Variants in FSTL5 observed in about 807,000 individuals in gnomAD.
The protein encoded by FSTL5 is follistatin-related protein 5.
In FSTL5, 62 loss-of-function variants were observed where a neutral mutation model predicts 89.1. That is an observed-to-expected ratio of 0.70 (90% confidence interval 0.57 to 0.86). FSTL5 has a LOEUF of 0.86. Among genes scored for constraint, FSTL5 ranks in the 40% least tolerant of loss-of-function variants. The probability of loss-of-function intolerance (pLI) is 0.00; values close to 1 mark genes in which losing one functional copy is unlikely to be tolerated. For missense variants in FSTL5, 1,057 were observed against 1,001.6 expected (o/e 1.06, Z -0.75); for synonymous variants, 383 against 346.2 (o/e 1.11, Z -1.18).
intron 4 of FSTL5, among the ~76,000 whole-genome samples, chr4:161,791,557 G>A (rs1185354654): frequency 1.3e-5 from 2 of 152,150 alleles, no homozygotes; most frequent in Non-Finnish European, 2.9e-5. Context: ...AAACCAGTGG[G>A]CATGGCTGTG....
chr4:162,115,581 C>T (rs1469616173), intron 1 of FSTL5, among the ~76,000 whole-genome samples: 3 of 152,222 alleles, frequency 2.0e-5, no homozygotes, highest in Non-Finnish European at 4.4e-5. Context: ...AATAATGATC[C>T]TGTGACTTTT....
chr4:161,481,568 C>T (rs11100370), intron 12 of FSTL5, among the ~76,000 whole-genome samples: 25,175 of 152,074 alleles, frequency 0.17, 2,475 homozygotes, highest in East Asian at 0.38. Flanking sequence ...TGGCTGTCCT[C>T]ATGGCAAATT....
chr4:161,399,237 A>G (rs1347202995), intron 15 of FSTL5, among the ~76,000 whole-genome samples: 2 of 152,100 alleles, frequency 1.3e-5, no homozygotes, highest in African/African-American at 4.8e-5. Flanking sequence ...TGAATGGTCA[A>G]AAACCTGCTC....
At chr4:161,404,400 A>T (rs1286093808) in intron 15 of FSTL5, among the ~76,000 whole-genome samples, 1 of 152,156 alleles carries the variant, frequency 6.6e-6, no homozygotes, top group East Asian at 1.9e-4. Flanking sequence ...ACACATGTTC[A>T]ATGAGACCTA....
At chr4:161,545,589 G>T (rs1329220266) in intron 8 of FSTL5, among the ~76,000 whole-genome samples, 1 of 151,904 alleles carries the variant, frequency 6.6e-6, no homozygotes, top group Admixed American at 6.6e-5. Flanking sequence ...AGCTGATTCT[G>T]GTAGGCAGCC....
At chr4:161,503,269 G>C (rs1354700108) in intron 11 of FSTL5, among the ~76,000 whole-genome samples, 1 of 151,634 alleles carries the variant, frequency 6.6e-6, no homozygotes, top group Admixed American at 6.6e-5. Flanking sequence ...TGTTTTGCAG[G>C]TATCTATTCA....
At chr4:161,772,853 T>C (rs1045339100) in intron 5 of FSTL5, among the ~76,000 whole-genome samples, 1 of 151,904 alleles carries the variant, frequency 6.6e-6, no homozygotes, top group African/African-American at 2.4e-5. Flanking sequence ...AATCCAAAAA[T>C]TCATATGGAA....
At chr4:161,977,612 C>CAAAAAAAAAAAAAAAAA (rs796909244) in intron 3 of FSTL5, among the ~76,000 whole-genome samples, 2 of 95,136 alleles carry the variant, frequency 2.1e-5, no homozygotes, top group African/African-American at 7.8e-5. Flanking sequence ...GACTCCGTGT[C>CAAAAAAAAAAAAAAAAA]AAAAAAAAAA....
chr4:161,812,291 C>G (rs575975159), intron 4 of FSTL5, among the ~76,000 whole-genome samples: 4 of 152,232 alleles, frequency 2.6e-5, no homozygotes, highest in Middle Eastern at 3.4e-3. Flanking sequence ...TGTGAATTTT[C>G]AAGAGAGAAT....
At chr4:161,716,032 C>G (rs988646049) in intron 6 of FSTL5, among the ~76,000 whole-genome samples, 2 of 152,060 alleles carry the variant, frequency 1.3e-5, no homozygotes, top group African/African-American at 4.8e-5. Flanking sequence ...AATCCAAAAC[C>G]CTTGCAATAG....
chr4:161,546,304 A>ATG (rs2126550049), intron 8 of FSTL5, among the ~76,000 whole-genome samples: 1 of 148,376 alleles, frequency 6.7e-6, no homozygotes, highest in Admixed American at 6.8e-5. Flanking sequence ...ATATATATAT[A>ATG]TATACACATA....
chr4:161,611,402 A>T (rs1734646399), intron 7 of FSTL5, among the ~76,000 whole-genome samples: 1 of 151,684 alleles, frequency 6.6e-6, no homozygotes, highest in South Asian at 2.1e-4. Context: ...TATTATGCAC[A>T]CACCTAACAA....
intron 8 of FSTL5, chr4:161,552,691 G>A (rs577006860): frequency 1.3e-5 from 2 of 151,722 alleles, no homozygotes; most frequent in East Asian, 3.9e-4. Flanking sequence ...ATCGACATGT[G>A]TCTCACTTAG....
intron 6 of FSTL5, among the ~76,000 whole-genome samples, chr4:161,664,021 G>A (rs989290361): frequency 7.9e-5 from 12 of 152,186 alleles, no homozygotes; most frequent in Admixed American, 1.3e-4. Flanking sequence ...GAGCCGGTGA[G>A]ACACAGAGCA....
intron 7 of FSTL5, among the ~76,000 whole-genome samples, chr4:161,594,691 A>C (rs1157075148): frequency 6.6e-6 from 1 of 152,054 alleles, no homozygotes; most frequent in African/African-American, 2.4e-5. Context: ...AAACAATTTT[A>C]TAAACTCCTT....
At chr4:161,524,786 T>C (rs1408261454) in intron 10 of FSTL5, among the ~76,000 whole-genome samples, 1 of 151,790 alleles carries the variant, frequency 6.6e-6, no homozygotes, top group African/African-American at 2.4e-5. Context: ...GGTGAAACCT[T>C]GTCTCTACTA....
chr4:161,442,152 T>C (rs983452156), intron 15 of FSTL5, among the ~76,000 whole-genome samples: 1 of 151,520 alleles, frequency 6.6e-6, no homozygotes, highest in African/African-American at 2.4e-5. Context: ...AAAAGGTTTT[T>C]TTTTTTTTTT....
At position 161,671,478 on chromosome 4, in the gene FSTL5, T is replaced by C. The variant is rs564217314; in HGVS notation, c.728-14984A>G. ...CGGTATGCAAAGCCTAAAATATTTC[T>C]TCTCCGAGTTTTTACGAAAAGTTGC... On this transcript the variant is annotated intron_variant, in intron 6 of 15. Coordinates refer to ENST00000306100, the MANE Select transcript of FSTL5 (RefSeq NM_020116.5). Among the ~76,000 whole-genome samples, 921 of 152,320 alleles carry C rather than the reference T, an allele frequency of 6.0e-3. 9 individuals carry two copies. Among genetic ancestry groups the C allele is most frequent in the South Asian group, 0.046 (220 of 4,830 alleles).
intron 15 of FSTL5, among the ~76,000 whole-genome samples, chr4:161,395,537 T>C (rs1057369954): frequency 8.5e-5 from 13 of 152,132 alleles, no homozygotes; most frequent in Non-Finnish European, 1.9e-4. Context: ...AATATTAACA[T>C]TTTATAATTA....
Sources: allele counts gnomAD v4.1 joint callset (sites outside exome capture counted in the v4.1 genomes callset), GRCh38; gene constraint gnomAD v4.1.1; transcripts MANE v1.5; gene names NCBI Gene and HGNC (gene_info 2026-07-23, HGNC 2026-07-21).